The following WNK2 variants were observed in gnomAD, a reference collection of about 807,000 sequenced individuals.
WNK2 encodes the protein WNK lysine deficient protein kinase 2.
WNK2 carries 67 observed loss-of-function variants against 192.1 expected under a neutral mutation model. That is an observed-to-expected ratio of 0.35 (90% confidence interval 0.29 to 0.43). The LOEUF (loss-of-function observed/expected upper bound fraction) is 0.43, where lower values mean the gene tolerates loss of function less well. WNK2 is among the 20% of genes least tolerant of loss of function. WNK2 has a pLI of 1.00. For synonymous variants in WNK2, 1,439 were observed against 1,393.9 expected, an observed-to-expected ratio of 1.03 and a Z score of -0.72; for missense variants, 2,698 against 3,089.7, an observed-to-expected ratio of 0.87 and a Z score of 3.01.
chr9:93,243,778 A>G (rs1399049046), intron 7 of WNK2, among the ~76,000 whole-genome samples: 1 of 152,154 alleles, frequency 6.6e-6, no homozygotes, highest in Non-Finnish European at 1.5e-5. Flanking sequence ...CAGACACCAG[A>G]GTCCGTCACT....
chr9:93,250,005 C>T (rs1287108560), intron 8 of WNK2, among the ~76,000 whole-genome samples: 1 of 149,274 alleles, frequency 6.7e-6, no homozygotes, highest in Non-Finnish European at 1.5e-5. Context: ...CCTCTGCCTC[C>T]TGGGTTCAAG....
chr9:93,218,883 C>T (rs1378666090), intron 2 of WNK2, among the ~76,000 whole-genome samples: 1 of 152,216 alleles, frequency 6.6e-6, no homozygotes, highest in South Asian at 2.1e-4. Context: ...CCCCCTGCCT[C>T]CGAAGGAGAA....
chr9:93,306,675 C>A, intron 26 of WNK2, 102 bp from the exon 27 acceptor site: 1 of 1,445,516 alleles, frequency 6.9e-7, no homozygotes, highest in Non-Finnish European at 9.7e-7. Context: ...GTGTCTGCCC[C>A]TCCCTGCACA....
intron 2 of WNK2, among the ~76,000 whole-genome samples, chr9:93,203,232 G>T (rs888791377): frequency 6.6e-6 from 1 of 152,154 alleles, no homozygotes; most frequent in Non-Finnish European, 1.5e-5. Flanking sequence ...CTGCAATGAG[G>T]CCCCCTGGGG....
intron 2 of WNK2, among the ~76,000 whole-genome samples, chr9:93,187,755 A>G (rs1334327235): frequency 1.3e-5 from 2 of 151,904 alleles, no homozygotes; most frequent in East Asian, 1.9e-4. Flanking sequence ...GTGCAGAGCT[A>G]TTGGAAGGAC....
intron 2 of WNK2, among the ~76,000 whole-genome samples, chr9:93,214,697 G>GCCCCCCCCCCCCCCC (rs371026822): frequency 1.2e-5 from 1 of 80,224 alleles, no homozygotes; most frequent in African/African-American, 4.7e-5. Flanking sequence ...TGAAGGTAGT[G>GCCCCCCCCCCCCCCC]CCCCCCCCCC....
chr9:93,266,863 C>T (rs932693836), intron 16 of WNK2, among the ~76,000 whole-genome samples: 12 of 152,148 alleles, frequency 7.9e-5, no homozygotes, highest in South Asian at 2.1e-4. Context: ...TCGGTGACTG[C>T]AGAGGTGTCT....
In WNK2 at chr9:93,185,574, G is replaced by A. The variant is rs777728277; in HGVS notation, c.645G>A (p.Thr215=). 1.9e-6 allele frequency: 3 copies of A among 1,612,322 alleles called. No homozygotes were observed. The highest frequency in any genetic ancestry group is 2.5e-6 in the Non-Finnish European group (3 of 1,179,376). ...SFKTVYKGLD[T]ETWVEVAWCE... ...AGACGGTCTACAAGGGGCTGGACACGGAGACCTGGGTGGAGGTGGCCTGGT... is the reference window on the plus strand; with the variant it reads ...AGACGGTCTACAAGGGGCTGGACACAGAGACCTGGGTGGAGGTGGCCTGGT... Residue 215 remains threonine (T), a synonymous_variant, in exon 2 of 30, where the codon ACG becomes ACA. Coordinates refer to ENST00000427277, the MANE Select transcript of WNK2 (RefSeq NM_006648.4).
At chr9:93,296,387 C>T (rs1423424197) in intron 23 of WNK2, among the ~76,000 whole-genome samples, 1 of 14,430 alleles carries the variant, frequency 6.9e-5, no homozygotes, top group Non-Finnish European at 1.5e-4. Context: ...CCTTCCTCCC[C>T]CTCCATCCTC....
intron 19 of WNK2, among the ~76,000 whole-genome samples, chr9:93,287,796 C>CA (rs1345103105): frequency 1.3e-4 from 20 of 152,244 alleles, no homozygotes; most frequent in African/African-American, 3.6e-4. Flanking sequence ...CGTGGGGGCT[C>CA]ACACCTGTCA....
chr9:93,274,228 A>G (rs1846404197), intron 19 of WNK2, among the ~76,000 whole-genome samples: 2 of 152,260 alleles, frequency 1.3e-5, no homozygotes, highest in African/African-American at 4.8e-5. Flanking sequence ...CCAATACTAA[A>G]GAAAGCACAT....
chr9:93,234,158 G>T (rs1839405776), intron 4 of WNK2, among the ~76,000 whole-genome samples: 1 of 152,184 alleles, frequency 6.6e-6, no homozygotes, highest in Non-Finnish European at 1.5e-5. Context: ...ATTCAGTGAA[G>T]ACACTGTTTT....
intron 18 of WNK2, 111 bp downstream of exon 18, chr9:93,268,176 GT>G: frequency 6.9e-7 from 1 of 1,449,190 alleles, no homozygotes; most frequent in Middle Eastern, 1.8e-4. Flanking sequence ...GAAGCATGTG[GT>G]GACCAGGGGC....
intron 7 of WNK2, among the ~76,000 whole-genome samples, chr9:93,244,041 C>G (rs377224602): frequency 2.6e-3 from 402 of 152,354 alleles, no homozygotes; most frequent in African/African-American, 9.1e-3. Flanking sequence ...TTGCTGTGAG[C>G]TGTATCCTGC....
At chr9:93,315,783 T>TTGTGTGTG (rs10532270) in intron 28 of WNK2, 10 of 117,110 alleles carry the variant, frequency 8.5e-5, no homozygotes, top group African/African-American at 2.7e-4. Context: ...TGAAGACCCC[T>TTGTGTGTG]TGTGTGTGTG....
intron 12 of WNK2, 72 bp from the exon 13 acceptor site, chr9:93,261,740 GAC>G (rs1372753151): frequency 1.6e-5 from 24 of 1,516,944 alleles, no homozygotes; most frequent in Non-Finnish European, 2.1e-5. Flanking sequence ...GGTATTCCCA[GAC>G]ACACCTGGGC....
chr9:93,308,975 C>T, intron 28 of WNK2: 6 of 1,045,226 alleles, frequency 5.7e-6, no homozygotes, highest in Non-Finnish European at 6.9e-6. Flanking sequence ...GGCAGGTGTG[C>T]ATGTCACCCA....
At chr9:93,265,967 C>CG (rs1383770193) in intron 16 of WNK2, among the ~76,000 whole-genome samples, 1 of 152,190 alleles carries the variant, frequency 6.6e-6, no homozygotes, top group Non-Finnish European at 1.5e-5. Context: ...ACTCAGCACT[C>CG]GGATACTCCT....
At chr9:93,296,893 T>A (rs1850635219) in intron 23 of WNK2, among the ~76,000 whole-genome samples, 1 of 79,596 alleles carries the variant, frequency 1.3e-5, no homozygotes, top group Non-Finnish European at 2.5e-5. Context: ...CTCCGCATCC[T>A]CCCTTCAGCC....
Sources: gnomAD v4.1 joint callset for allele counts (sites outside exome capture counted in the v4.1 genomes callset) on GRCh38, gnomAD v4.1.1 for gene constraint, MANE v1.5 for transcripts, NCBI Gene and HGNC (gene_info 2026-07-23, HGNC 2026-07-21) for gene names.